Variants in SLC4A4 observed in about 807,000 individuals in gnomAD.
SLC4A4 encodes electrogenic sodium bicarbonate cotransporter 1.
Under a neutral mutation model 111.5 loss-of-function variants are expected in SLC4A4, and 27 were observed. That is an observed-to-expected ratio of 0.24 (90% confidence interval 0.18 to 0.33). The LOEUF is 0.33. Ranked by LOEUF, SLC4A4 falls within the 10% of genes least tolerant of loss-of-function variation. The pLI, the probability that SLC4A4 is intolerant of heterozygous loss-of-function variation, is 1.00. For missense variants in SLC4A4, 909 were observed against 1,315.5 expected (o/e 0.69, Z 4.78); for synonymous variants, 443 against 463.4 (o/e 0.96, Z 0.57).
chr4:71,234,379 C>A (rs1440551695), intron 1 of SLC4A4, among the ~76,000 whole-genome samples: 1 of 152,222 alleles, frequency 6.6e-6, no homozygotes, highest in Non-Finnish European at 1.5e-5. Context: ...ATTTAATCCT[C>A]ATGGGAACCA....
At chr4:71,198,387 A>G (rs1266068225) in intron 1 of SLC4A4, among the ~76,000 whole-genome samples, 3 of 152,136 alleles carry the variant, frequency 2.0e-5, no homozygotes, top group African/African-American at 7.2e-5. Flanking sequence ...CTATATTTCT[A>G]TGTTTGTCCA....
At chr4:71,506,494 T>C (rs958551901) in intron 16 of SLC4A4, among the ~76,000 whole-genome samples, 1 of 152,178 alleles carries the variant, frequency 6.6e-6, no homozygotes, top group Non-Finnish European at 1.5e-5. Context: ...TCGACTTTCC[T>C]GTGGTTGGTT....
At chr4:71,533,215 C>G (rs1310705825) in intron 17 of SLC4A4, among the ~76,000 whole-genome samples, 2 of 152,102 alleles carry the variant, frequency 1.3e-5, no homozygotes, top group Non-Finnish European at 2.9e-5. Context: ...AAGATAAGTT[C>G]TCACCCATTC....
intron 1 of SLC4A4, among the ~76,000 whole-genome samples, chr4:71,074,310 G>A (rs1323285612): frequency 2.0e-5 from 3 of 152,166 alleles, no homozygotes; most frequent in Non-Finnish European, 4.4e-5. Flanking sequence ...ACCAGCAAGA[G>A]TTCCCATATA....
At chr4:71,290,816 C>T (rs1243604911) in intron 3 of SLC4A4, among the ~76,000 whole-genome samples, 1 of 152,268 alleles carries the variant, frequency 6.6e-6, no homozygotes, top group South Asian at 2.1e-4. Flanking sequence ...ATCCTAGTGG[C>T]TCTGGGAAAA....
chr4:71,466,040 C>A (rs183087187), intron 12 of SLC4A4, among the ~76,000 whole-genome samples: 1 of 152,020 alleles, frequency 6.6e-6, no homozygotes, highest in Non-Finnish European at 1.5e-5. Flanking sequence ...ATGTGCAAGG[C>A]GAAATCAGGC....
At chr4:71,411,371 CT>C (rs539743219) in intron 7 of SLC4A4, among the ~76,000 whole-genome samples, 194 of 152,244 alleles carry the variant, frequency 1.3e-3, no homozygotes, top group African/African-American at 3.2e-3. Context: ...CGCCCCCCCC[CT>C]CTTGCCCCCA....
chr4:71,287,912 A>G lies in SLC4A4; in HGVS notation c.253+32513A>G, dbSNP rs145563964. Among the ~76,000 whole-genome samples, 832 of 152,196 alleles carry G rather than the reference A, an allele frequency of 5.5e-3. 11 individuals carry two copies. Among genetic ancestry groups the G allele is most frequent in the African/African-American group, 0.019 (798 of 41,516 alleles). ...GGCAGTATCTTTTTTTTTAATCCCAAGTTAAGCTTTTCTCATGACTTTATA... is the reference window on the plus strand; with the variant it reads ...GGCAGTATCTTTTTTTTTAATCCCAGGTTAAGCTTTTCTCATGACTTTATA... On this transcript the variant is annotated intron_variant, in intron 3 of 25. Coordinates refer to ENST00000264485, the MANE Select transcript of SLC4A4 (RefSeq NM_001098484.3).
At chr4:71,335,882 G>C (rs868233374) in intron 3 of SLC4A4, among the ~76,000 whole-genome samples, 2 of 151,834 alleles carry the variant, frequency 1.3e-5, no homozygotes, top group Non-Finnish European at 2.9e-5. Context: ...CCTTGTATCA[G>C]TATGTACTCA....
chr4:71,255,417 G>C lies in SLC4A4; in HGVS notation c.253+18G>C. On this transcript the variant is annotated intron_variant, in intron 3 of 25. Coordinates refer to ENST00000264485, the MANE Select transcript of SLC4A4 (RefSeq NM_001098484.3). ...ACCTCTCAGTGAGTACTCTCTGAGC[G>C]TTGGTGCCTCTCTCTGCCTCACTCC... 6.2e-7 allele frequency: 1 copy of C among 1,612,656 alleles called. No homozygotes were observed. Among genetic ancestry groups the C allele is most frequent in the Non-Finnish European group, 8.5e-7 (1 of 1,178,940 alleles).
At chr4:71,232,037 T>G (rs183572160) in intron 1 of SLC4A4, among the ~76,000 whole-genome samples, 3 of 152,324 alleles carry the variant, frequency 2.0e-5, no homozygotes, top group Admixed American at 6.5e-5. Flanking sequence ...AGGCTGGACT[T>G]ACTTCTAAGG....
chr4:71,169,901 AC>A (rs1463251847), intron 2 of SLC4A4, among the ~76,000 whole-genome samples: 1 of 152,020 alleles, frequency 6.6e-6, no homozygotes, highest in Non-Finnish European at 1.5e-5. Flanking sequence ...GACTTACAAA[AC>A]CCTGCAAGAT....
intron 2 of SLC4A4, among the ~76,000 whole-genome samples, chr4:71,164,210 G>C (rs1040617796): frequency 5.3e-5 from 8 of 152,076 alleles, no homozygotes; most frequent in African/African-American, 1.9e-4. Context: ...GTGAAACCCT[G>C]TCTCTACTAA....
intron 2 of SLC4A4, among the ~76,000 whole-genome samples, chr4:71,167,517 G>A (rs1203319835): frequency 6.6e-6 from 1 of 152,170 alleles, no homozygotes; most frequent in Non-Finnish European, 1.5e-5. Context: ...AGATGTTAGG[G>A]AGACCCTCTT....
chr4:71,225,116 C>A (rs1009378315), intron 1 of SLC4A4, among the ~76,000 whole-genome samples: 1 of 152,106 alleles, frequency 6.6e-6, no homozygotes. Flanking sequence ...CTTTGGGAGG[C>A]CTGGGTGGGT....
At chr4:71,268,080 T>TTG (rs1722428076) in intron 3 of SLC4A4, among the ~76,000 whole-genome samples, 1 of 146,174 alleles carries the variant, frequency 6.8e-6, no homozygotes, top group South Asian at 2.2e-4. Flanking sequence ...GTAGTGTTTT[T>TTG]TTTTTTTTTT....
chr4:71,400,512 T>C (rs1387242165), intron 7 of SLC4A4, among the ~76,000 whole-genome samples: 1 of 152,200 alleles, frequency 6.6e-6, no homozygotes, highest in Non-Finnish European at 1.5e-5. Context: ...GGTTGATGAA[T>C]ATATAATTAT....
intron 4 of SLC4A4, among the ~76,000 whole-genome samples, chr4:71,342,893 G>C (rs1316113593): frequency 6.6e-6 from 1 of 152,116 alleles, no homozygotes; most frequent in African/African-American, 2.4e-5. Flanking sequence ...GATGTAGTCT[G>C]TCCCCAAGAC....
At chr4:71,114,573 A>C (rs1743195380) in intron 2 of SLC4A4, among the ~76,000 whole-genome samples, 1 of 150,802 alleles carries the variant, frequency 6.6e-6, no homozygotes, top group Non-Finnish European at 1.5e-5. Flanking sequence ...CAGTCAAAAA[A>C]CACATGAAAA....
Sources: allele counts gnomAD v4.1 joint callset (sites outside exome capture counted in the v4.1 genomes callset), GRCh38; gene constraint gnomAD v4.1.1; transcripts MANE v1.5; gene names NCBI Gene and HGNC (gene_info 2026-07-23, HGNC 2026-07-21).